The following FER1L6 variants were observed in gnomAD, a reference collection of about 807,000 sequenced individuals.
FER1L6 encodes fer-1-like protein 6.
In FER1L6, 177 loss-of-function variants were observed where a neutral mutation model predicts 219.2. The ratio of observed to expected loss-of-function variants is 0.81; its 90% CI spans 0.71 to 0.91. FER1L6 has a LOEUF of 0.91. Among genes scored for constraint, FER1L6 ranks in the 40% least tolerant of loss-of-function variants. FER1L6 has a pLI of 0.00. For synonymous variants in FER1L6, 768 were observed against 824.3 expected (o/e 0.93, Z 1.17); for missense variants, 2,153 against 2,259.9 (o/e 0.95, Z 0.96).
In FER1L6 at chr8:123,966,088, C is replaced by A. The variant is rs777233324; in HGVS notation, c.252+27C>A. On this transcript the variant is annotated intron_variant, in intron 4 of 40. Coordinates refer to ENST00000522917, the MANE Select transcript of FER1L6 (RefSeq NM_001039112.2). ...TAAGTGATTGGCTCTTCCTGCCCAG[C>A]CTCCCCCAGTGCTTCCTGTGTGCAT... The A allele has an allele frequency of 4.3e-6, 7 of 1,613,326 alleles. 1 individual carries two copies. The Admixed American group carries it at 1.0e-4, about 23-fold the overall frequency.
intron 1 of FER1L6, among the ~76,000 whole-genome samples, chr8:123,942,812 T>C (rs1169231191): frequency 6.6e-6 from 1 of 152,222 alleles, no homozygotes; most frequent in East Asian, 1.9e-4. Flanking sequence ...TTTCAACATG[T>C]GGATATATCT....
chr8:123,987,232 T>C (rs1586556747), intron 12 of FER1L6, among the ~76,000 whole-genome samples: 1 of 152,238 alleles, frequency 6.6e-6, no homozygotes, highest in African/African-American at 2.4e-5. Context: ...TGAAATGATA[T>C]ATCATTGAAG....
intron 1 of FER1L6, among the ~76,000 whole-genome samples, chr8:123,942,366 A>G (rs1652098635): frequency 6.6e-6 from 1 of 152,238 alleles, no homozygotes. Context: ...GAGAGGGCCC[A>G]GCATTTCCTT....
Position 123,986,173 on chromosome 8 carries a change from A to C in FER1L6, c.1516A>C (p.Ile506Leu). ...TAAACCCATCAGCTTTGAAGTTTCT[A>C]TTGGTAAGTACAGATAAGCACAGTG... ...GDKPISFEVS[I>L]GNFGNLIDGG... Residue 506 changes from isoleucine to leucine, a missense_variant, in exon 12 of 41, where the codon ATT becomes CTT. By Grantham distance (5) the Ile-to-Leu change is conservative (BLOSUM62 2). Transcript: ENST00000522917. The C allele has an allele frequency of 1.3e-6, 2 of 1,586,106 alleles. No homozygotes were observed. The highest frequency in any genetic ancestry group is 1.7e-6 in the Non-Finnish European group (2 of 1,154,500).
intron 1 of FER1L6, among the ~76,000 whole-genome samples, chr8:123,898,725 A>G: frequency 6.9e-6 from 1 of 144,654 alleles, no homozygotes; most frequent in African/African-American, 2.6e-5. Context: ...GTATATGTGT[A>G]TATATAGTAT....
At chr8:123,976,141 A>C in intron 9 of FER1L6, 57 bp downstream of exon 9, 1 of 1,281,286 alleles carries the variant, frequency 7.8e-7, no homozygotes, top group Non-Finnish European at 1.1e-6. Flanking sequence ...CTCTCTATCC[A>C]AGATATGTTT....
chr8:124,030,029 C>T (rs76593198), intron 18 of FER1L6, among the ~76,000 whole-genome samples: 2,370 of 152,234 alleles, frequency 0.016, 73 homozygotes, highest in African/African-American at 0.054. Context: ...GGAATTATTT[C>T]CCCATTGCTC....
chr8:124,091,813 A>G (rs1395525117), intron 34 of FER1L6, among the ~76,000 whole-genome samples: 2 of 151,936 alleles, frequency 1.3e-5, no homozygotes, highest in African/African-American at 4.8e-5. Flanking sequence ...CTAAAAATAC[A>G]AAAAGTAGCC....
intron 1 of FER1L6, among the ~76,000 whole-genome samples, chr8:123,911,518 G>A (rs1014166555): frequency 2.0e-5 from 3 of 152,174 alleles, no homozygotes; most frequent in South Asian, 2.1e-4. Context: ...TCTTCAGAGA[G>A]ATTAAGAAGC....
chr8:123,856,004 A>C (rs10097462), intron 1 of FER1L6, among the ~76,000 whole-genome samples: 2 of 137,038 alleles, frequency 1.5e-5, no homozygotes, highest in Non-Finnish European at 3.2e-5. Flanking sequence ...ATACATATGT[A>C]TATGAGATAT....
chr8:123,856,154 A>C (rs1816637302), intron 1 of FER1L6, among the ~76,000 whole-genome samples: 2 of 58,274 alleles, frequency 3.4e-5, no homozygotes, highest in Non-Finnish European at 6.8e-5. Context: ...AGATATATGT[A>C]TATACATATG....
chr8:124,004,411 G>T (rs947201422), intron 13 of FER1L6, among the ~76,000 whole-genome samples: 7 of 152,130 alleles, frequency 4.6e-5, no homozygotes, highest in Admixed American at 6.5e-5. Flanking sequence ...AGAGAATGAA[G>T]ATGTTGTATG....
At chr8:123,996,081 G>C (rs1817118209) in intron 12 of FER1L6, among the ~76,000 whole-genome samples, 1 of 152,044 alleles carries the variant, frequency 6.6e-6, no homozygotes, top group African/African-American at 2.4e-5. Context: ...CTAACATATG[G>C]TCTGTCCTTG....
At chr8:123,987,017 C>G (rs1454090469) in intron 12 of FER1L6, among the ~76,000 whole-genome samples, 3 of 152,164 alleles carry the variant, frequency 2.0e-5, no homozygotes, top group Admixed American at 1.3e-4. Flanking sequence ...GACTTCCTTT[C>G]TTTTGGATAT....
chr8:124,097,146 A>G (rs1822339840), intron 35 of FER1L6, 125 bp from the exon 36 acceptor site: 1 of 548,724 alleles, frequency 1.8e-6, no homozygotes, highest in East Asian at 3.2e-5. Context: ...TACATCTATA[A>G]AACTACCAAG....
At chr8:123,909,077 C>T (rs553636705) in intron 1 of FER1L6, among the ~76,000 whole-genome samples, 2 of 152,284 alleles carry the variant, frequency 1.3e-5, no homozygotes, top group South Asian at 4.1e-4. Context: ...ACTAATTTTT[C>T]AAGAGAAGCT....
At chr8:123,947,505 AT>A (rs777250923) in intron 1 of FER1L6, among the ~76,000 whole-genome samples, 3 of 151,990 alleles carry the variant, frequency 2.0e-5, no homozygotes, top group African/African-American at 4.8e-5. Flanking sequence ...TTGTTATATG[AT>A]TCATTTTTAA....
rs1425698452 is a variant in FER1L6 at position 124,097,322 on chromosome 8, G to A, written c.4747G>A (p.Gly1583Arg). The A allele has an allele frequency of 1.9e-6, 3 of 1,613,336 alleles. No homozygotes were observed. Among genetic ancestry groups the A allele is most frequent in the Non-Finnish European group, 2.5e-6 (3 of 1,179,628 alleles). The change falls in exon 36 of 41, where the codon GGA (glycine) becomes AGA (arginine). Residue 1583 changes from glycine (G) to arginine (R), a missense_variant. Physicochemically the swap from Gly to Arg is moderately radical, Grantham distance 125 (BLOSUM62 -2). Coordinates refer to ENST00000522917, the MANE Select transcript of FER1L6 (RefSeq NM_001039112.2). ...DMFPKDMPQP[G>R]PPVDISPRRP... is the part of the protein sequence containing the mutation. Reference sequence around the variant, plus strand: ...GTTTCCCAAGGATATGCCTCAACCTGGACCTCCTGTTGACATCTCTCCAAG... The same window carrying A: ...GTTTCCCAAGGATATGCCTCAACCTAGACCTCCTGTTGACATCTCTCCAAG...
rs1822799674 is a variant in FER1L6 at position 124,106,918 on chromosome 8, C to G, written c.5289+3609C>G. ...ATTAATTCAAGAATAATTAATTGACCCTAGTATAAGAGATTATAAGGTTTT... is the reference window on the plus strand; with the variant it reads ...ATTAATTCAAGAATAATTAATTGACGCTAGTATAAGAGATTATAAGGTTTT... On this transcript the variant is annotated intron_variant, in intron 39 of 40. Transcript: ENST00000522917. Among the ~76,000 whole-genome samples the G allele has an allele frequency of 2.0e-5, 3 of 150,432 alleles. No individual in the cohort carries two copies. In the South Asian group the frequency reaches 6.3e-4, roughly 32 times the overall value.
Sources: allele counts gnomAD v4.1 joint callset (sites outside exome capture counted in the v4.1 genomes callset), GRCh38; gene constraint gnomAD v4.1.1; transcripts MANE v1.5; gene names NCBI Gene and HGNC (gene_info 2026-07-23, HGNC 2026-07-21).